The following MED12L variants were observed in gnomAD, a reference collection of about 807,000 sequenced individuals.
The protein encoded by MED12L is mediator complex subunit 12L, also known as mediator of RNA polymerase II transcription subunit 12-like protein.
MED12L carries 60 observed loss-of-function variants against 281.3 expected under a neutral mutation model. The observed-to-expected ratio is 0.21, with a 90% CI of 0.17 to 0.26. The LOEUF (loss-of-function observed/expected upper bound fraction) is 0.26. MED12L is among the 10% of genes least tolerant of loss of function. The probability of loss-of-function intolerance (pLI) is 1.00; values close to 1 mark genes in which losing one functional copy is unlikely to be tolerated. For missense variants in MED12L, 2,146 were observed against 2,680.9 expected (o/e 0.80, Z 4.41); for synonymous variants, 974 against 987.2 (o/e 0.99, Z 0.25).
chr3:151,338,410 C>CAG, intron 16 of MED12L: 1 of 1,614,078 alleles, frequency 6.2e-7, no homozygotes, highest in Non-Finnish European at 8.5e-7. Context: ...CAGATGACAA[C>CAG]AGAGAGAATC....
chr3:151,431,337 T>C (rs1719483070), intron 44 of MED12L, among the ~76,000 whole-genome samples: 1 of 152,180 alleles, frequency 6.6e-6, no homozygotes, highest in Non-Finnish European at 1.5e-5. Flanking sequence ...GGTCATGTAA[T>C]TACTGAGGGG....
chr3:151,247,546 G>GA, intron 16 of MED12L, among the ~76,000 whole-genome samples: 2 of 148,574 alleles, frequency 1.3e-5, no homozygotes, highest in Admixed American at 1.4e-4. Context: ...CTCACTCATA[G>GA]GTGGGAATTG....
intron 3 of MED12L, among the ~76,000 whole-genome samples, chr3:151,117,826 C>T (rs1576762496): frequency 6.6e-6 from 1 of 151,966 alleles, no homozygotes; most frequent in Non-Finnish European, 1.5e-5. Flanking sequence ...CGTGGTGGCT[C>T]ACACTTGTAA....
chr3:151,166,105 C>T, intron 11 of MED12L, 123 bp downstream of exon 11: 1 of 716,170 alleles, frequency 1.4e-6, no homozygotes, highest in Non-Finnish European at 2.2e-6. Flanking sequence ...AAGACATACA[C>T]ACTTGAAATC....
chr3:151,298,387 TAC>T (rs780036596), intron 16 of MED12L, among the ~76,000 whole-genome samples: 19 of 152,252 alleles, frequency 1.2e-4, no homozygotes, highest in Admixed American at 5.2e-4. Context: ...GAAGCTGTTT[TAC>T]AGTGTAAAGG....
Position 151,242,299 on chromosome 3 carries a change from C to G in MED12L, c.2250+48633C>G, listed in dbSNP as rs867776517. Among the ~76,000 whole-genome samples, 296 of 151,882 alleles carry G rather than the reference C, an allele frequency of 1.9e-3. 2 individuals carry two copies. The highest frequency in any genetic ancestry group is 6.3e-3 in the African/African-American group (260 of 41,432). ...AGCTCAAGGAGGCCTGCCTGCCTCT[C>G]TAGGCTCCACCTCTGGGGGCAGGGC... is the stretch of plus-strand genomic sequence containing the variant. On this transcript the variant is annotated intron_variant, in intron 16 of 44. Coordinates refer to ENST00000687756, the MANE Select transcript of MED12L (RefSeq NM_001393769.1).
At chr3:151,319,503 G>GTGTGTA (rs1748737890) in intron 16 of MED12L, among the ~76,000 whole-genome samples, 1 of 138,212 alleles carries the variant, frequency 7.2e-6, no homozygotes, top group African/African-American at 2.8e-5. Context: ...GTGTGTGTGT[G>GTGTGTA]TGTCGGCCAC....
intron 16 of MED12L, among the ~76,000 whole-genome samples, chr3:151,307,566 TGTGTGTGTGTGTG>T (rs1746865888): frequency 6.6e-6 from 1 of 150,496 alleles, no homozygotes; most frequent in Admixed American, 6.7e-5. Flanking sequence ...TGTGTGTGTG[TGTGTGTGTGTGTG>T]TGTGTGTTTA....
intron 3 of MED12L, among the ~76,000 whole-genome samples, chr3:151,118,315 C>G (rs953177777): frequency 2.6e-5 from 4 of 152,228 alleles, no homozygotes; most frequent in African/African-American, 9.6e-5. Flanking sequence ...CCAGATCTCT[C>G]TTTATGTGCA....
chr3:151,242,423 A>T (rs1462184749), intron 16 of MED12L, among the ~76,000 whole-genome samples: 3 of 152,202 alleles, frequency 2.0e-5, no homozygotes, highest in Non-Finnish European at 2.9e-5. Context: ...GCAGCTGGAG[A>T]TCTGAGAACC....
intron 16 of MED12L, among the ~76,000 whole-genome samples, chr3:151,225,504 G>GATAGTAATA: frequency 6.6e-6 from 1 of 152,196 alleles, no homozygotes; most frequent in African/African-American, 2.4e-5. Context: ...TGCTCACGAG[G>GATAGTAATA]CCTTTGCTAT....
At chr3:151,101,167 C>T (rs569503661) in intron 2 of MED12L, among the ~76,000 whole-genome samples, 1 of 152,060 alleles carries the variant, frequency 6.6e-6, no homozygotes, top group Non-Finnish European at 1.5e-5. Flanking sequence ...GGTTTACCTA[C>T]CCACATAAAA....
At position 151,434,198 on chromosome 3, in the gene MED12L, A is replaced by G. The variant is rs1027640388; in HGVS notation, c.*1394A>G. 3 of 152,256 alleles carry G rather than the reference A, an allele frequency of 2.0e-5. No homozygotes were observed. Among genetic ancestry groups the G allele is most frequent in the African/African-American group, 4.8e-5 (2 of 41,476 alleles). The allele number at this position is 152,256 out of a possible 1,614,324, so 9.4% of individuals were successfully genotyped here. ...AAGCATACTGTGAATAGACTTGTCTATAATGAGCAGACCATGTAAATCTAC... is the reference window on the plus strand; with the variant it reads ...AAGCATACTGTGAATAGACTTGTCTGTAATGAGCAGACCATGTAAATCTAC... On this transcript the variant is annotated 3_prime_UTR_variant, in exon 45 of 45. Transcript: ENST00000687756.
chr3:151,206,351 C>T (rs908250169), intron 16 of MED12L, among the ~76,000 whole-genome samples: 1 of 151,608 alleles, frequency 6.6e-6, no homozygotes. Flanking sequence ...GGAATGTGAA[C>T]TCAGTTAAAA....
chr3:151,328,988 T>G (rs776306831), intron 16 of MED12L: 6 of 1,600,034 alleles, frequency 3.7e-6, no homozygotes, highest in East Asian at 4.5e-5. Context: ...CACTGTGGTG[T>G]TCATTGCTTC....
chr3:151,426,802 G>A (rs1251900909), intron 43 of MED12L, among the ~76,000 whole-genome samples: 3 of 146,998 alleles, frequency 2.0e-5, no homozygotes, highest in African/African-American at 7.6e-5. Flanking sequence ...AAAGTTATAT[G>A]AGAATGACAT....
intron 16 of MED12L, among the ~76,000 whole-genome samples, chr3:151,348,355 A>G (rs982594138): frequency 1.5e-4 from 10 of 68,792 alleles, no homozygotes; most frequent in South Asian, 6.5e-4. Flanking sequence ...AAAAAAAAAA[A>G]AAAAAAAAGA....
chr3:151,152,195 G>C (rs1371858912), intron 5 of MED12L, among the ~76,000 whole-genome samples: 1 of 143,858 alleles, frequency 7.0e-6, no homozygotes, highest in Non-Finnish European at 1.5e-5. Flanking sequence ...TATCTCCTGG[G>C]CTCAAGCGGC....
At chr3:151,393,278 AAGTAGATAAAAGG>A (rs2108245769) in intron 38 of MED12L, among the ~76,000 whole-genome samples, 1 of 152,326 alleles carries the variant, frequency 6.6e-6, no homozygotes, top group East Asian at 1.9e-4. Context: ...AAAGAAGGGG[AAGTAGATAAAAGG>A]AGTAAGCAGT....
Sources: allele counts gnomAD v4.1 joint callset (sites outside exome capture counted in the v4.1 genomes callset), GRCh38; gene constraint gnomAD v4.1.1; transcripts MANE v1.5; gene names NCBI Gene and HGNC (gene_info 2026-07-23, HGNC 2026-07-21).